The following ST18 variants were observed in gnomAD, a reference collection of about 807,000 sequenced individuals.
ST18 encodes ST18 C2H2C-type zinc finger transcription factor.
A neutral mutation model predicts 110.0 loss-of-function variants in ST18; 50 were observed. The observed-to-expected ratio is 0.45, with a 90% CI of 0.36 to 0.58. The LOEUF is 0.58. Among genes scored for constraint, ST18 ranks in the 20% least tolerant of loss-of-function variants. The pLI, the probability that ST18 is intolerant of heterozygous loss-of-function variation, is 0.00. For synonymous variants in ST18, 461 were observed against 452.4 expected (o/e 1.02, Z -0.24); for missense variants, 1,306 against 1,280.1 (o/e 1.02, Z -0.31).
chr8:52,139,365 A>AT (rs1563633430), intron 17 of ST18, among the ~76,000 whole-genome samples: 2 of 149,620 alleles, frequency 1.3e-5, no homozygotes, highest in African/African-American at 4.9e-5. Context: ...TTTATTTTTT[A>AT]TTTTTTTTGA....
At chr8:52,293,208 T>A (rs933688940) in intron 2 of ST18, among the ~76,000 whole-genome samples, 2 of 152,188 alleles carry the variant, frequency 1.3e-5, no homozygotes, top group Non-Finnish European at 2.9e-5. Context: ...CCAAAGGTAG[T>A]AAGGGAGAGC....
rs534589674 is a variant in ST18 at position 52,381,107 on chromosome 8, G to A, written c.-465+28221C>T. Among the ~76,000 whole-genome samples the A allele has an allele frequency of 1.1e-4, 17 of 152,240 alleles. No individual in the cohort carries two copies. The South Asian group carries it at 1.5e-3, about 13-fold the overall frequency. ...TCACTGCTACCTAACTTTTCTTCTT[G>A]CTGAAGCCTAAATATCTCCACAAGT... On this transcript the variant is annotated intron_variant, in intron 2 of 25. Transcript: ENST00000689386.
chr8:52,255,047 AGCTATAAGTAAATAGAG>A (rs1433474181), intron 2 of ST18, among the ~76,000 whole-genome samples: 1 of 152,104 alleles, frequency 6.6e-6, no homozygotes, highest in Non-Finnish European at 1.5e-5. Flanking sequence ...ACAAGCCCCA[AGCTATAAGTAAATAGAG>A]GCCCCACTTC....
chr8:52,360,358 G>A (rs1252468006), intron 2 of ST18, among the ~76,000 whole-genome samples: 1 of 151,662 alleles, frequency 6.6e-6, no homozygotes, highest in African/African-American at 2.4e-5. Context: ...GCTTTATTTA[G>A]GTCACATAAT....
intron 2 of ST18, among the ~76,000 whole-genome samples, chr8:52,319,384 G>T (rs1270391129): frequency 1.3e-5 from 2 of 151,838 alleles, no homozygotes; most frequent in Non-Finnish European, 2.9e-5. Flanking sequence ...AATGTCTGTT[G>T]TGTTCTTTTA....
intron 2 of ST18, among the ~76,000 whole-genome samples, chr8:52,361,477 C>G (rs903560212): frequency 2.0e-5 from 3 of 152,064 alleles, no homozygotes; most frequent in African/African-American, 7.2e-5. Flanking sequence ...GGGGCCATGT[C>G]GATCAGTTCA....
At chr8:52,319,282 C>G (rs539233608) in intron 2 of ST18, among the ~76,000 whole-genome samples, 1 of 152,084 alleles carries the variant, frequency 6.6e-6, no homozygotes, top group Non-Finnish European at 1.5e-5. Flanking sequence ...AAGCATTTCT[C>G]TGTGTATATA....
chr8:52,408,861 C>T (rs1310273863), intron 2 of ST18: 3 of 152,184 alleles, frequency 2.0e-5, no homozygotes, highest in Non-Finnish European at 2.9e-5. Context: ...AAGCATTCAA[C>T]GTGTCTTCAT....
intron 8 of ST18, among the ~76,000 whole-genome samples, chr8:52,210,500 A>C (rs2081816630): frequency 6.6e-6 from 1 of 151,990 alleles, no homozygotes; most frequent in African/African-American, 2.4e-5. Context: ...TCTACTAAAA[A>C]TATAAAAATT....
chr8:52,186,940 G>A (rs193141463), intron 8 of ST18, among the ~76,000 whole-genome samples: 1 of 152,234 alleles, frequency 6.6e-6, no homozygotes, highest in Admixed American at 6.5e-5. Context: ...TCCTTGTTCT[G>A]GTGGTGGTTT....
At chr8:52,216,375 T>C (rs2084221490) in intron 6 of ST18, among the ~76,000 whole-genome samples, 1 of 152,158 alleles carries the variant, frequency 6.6e-6, no homozygotes, top group Non-Finnish European at 1.5e-5. Flanking sequence ...TGAGCTATTG[T>C]CTCTTGTTGG....
chr8:52,129,035 C>T (rs1225476486), intron 22 of ST18, among the ~76,000 whole-genome samples: 1 of 149,752 alleles, frequency 6.7e-6, no homozygotes, highest in Admixed American at 6.6e-5. Context: ...GAGTTATATT[C>T]CAAGTCATGT....
chr8:52,394,236 A>G (rs1250171172), intron 2 of ST18, among the ~76,000 whole-genome samples: 1 of 152,178 alleles, frequency 6.6e-6, no homozygotes, highest in East Asian at 1.9e-4. Context: ...ATTTCTGCCA[A>G]TTCCACCTGT....
chr8:52,163,930 C>G (rs1383603853), intron 13 of ST18, 56 bp downstream of exon 13: 12 of 1,406,584 alleles, frequency 8.5e-6, no homozygotes, highest in African/African-American at 2.9e-5. Context: ...CCAGAGGCCC[C>G]GCTGTGCAGG....
chr8:52,159,443 C>T (rs1245835659), intron 14 of ST18, among the ~76,000 whole-genome samples: 1 of 152,096 alleles, frequency 6.6e-6, no homozygotes, highest in African/African-American at 2.4e-5. Context: ...AACACACTAG[C>T]AAAACCTCCC....
intron 19 of ST18, among the ~76,000 whole-genome samples, chr8:52,133,574 G>A (rs1177782158): frequency 6.6e-6 from 1 of 151,648 alleles, no homozygotes; most frequent in Non-Finnish European, 1.5e-5. Flanking sequence ...CAATGGATTA[G>A]TTGTTGTTTA....
chr8:52,358,587 A>G (rs954290318), intron 2 of ST18, among the ~76,000 whole-genome samples: 2 of 152,074 alleles, frequency 1.3e-5, no homozygotes, highest in African/African-American at 2.4e-5. Context: ...CTAACAAACT[A>G]GATAACCTCA....
chr8:52,149,150 C>T (rs2058152232), intron 16 of ST18, among the ~76,000 whole-genome samples: 1 of 152,250 alleles, frequency 6.6e-6, no homozygotes, highest in Non-Finnish European at 1.5e-5. Flanking sequence ...GTCGCACCAT[C>T]TGGCTTTCAG....
chr8:52,205,795 T>C (rs935089227), intron 8 of ST18, among the ~76,000 whole-genome samples: 1 of 152,100 alleles, frequency 6.6e-6, no homozygotes, highest in Admixed American at 6.5e-5. Flanking sequence ...CTCAAACTCC[T>C]AACCTCAAGC....
Sources: allele counts gnomAD v4.1 joint callset (sites outside exome capture counted in the v4.1 genomes callset), GRCh38; gene constraint gnomAD v4.1.1; transcripts MANE v1.5; gene names NCBI Gene and HGNC (gene_info 2026-07-23, HGNC 2026-07-21).